The following C12orf42 variants were observed in gnomAD, a reference collection of about 807,000 sequenced individuals.
The protein encoded by C12orf42 is chromosome 12 open reading frame 42.
In C12orf42, 25 loss-of-function variants were observed where a neutral mutation model predicts 21.6. That is an observed-to-expected ratio of 1.16 (90% CI 0.84 to 1.62). The LOEUF (loss-of-function observed/expected upper bound fraction) is 1.62, where lower values mean the gene tolerates loss of function less well. Among genes scored for constraint, C12orf42 ranks in the 40% most tolerant of loss-of-function variants. The pLI, the probability that C12orf42 is intolerant of heterozygous loss-of-function variation, is 0.00. For synonymous variants in C12orf42, 174 were observed against 175.0 expected, an observed-to-expected ratio of 0.99 and a Z score of 0.05; for missense variants, 483 against 459.3, an observed-to-expected ratio of 1.05 and a Z score of -0.47.
chr12:103,409,696 T>G (rs1302580308), intron 2 of C12orf42, among the ~76,000 whole-genome samples: 8 of 152,214 alleles, frequency 5.3e-5, no homozygotes, highest in Admixed American at 5.2e-4. Context: ...TTTTTTAAGA[T>G]GAGTATGCAG....
the C12orf42 span, among the ~76,000 whole-genome samples, chr12:103,072,490 T>C: frequency 6.6e-6 from 1 of 151,664 alleles, no homozygotes; most frequent in Non-Finnish European, 1.5e-5. Context: ...AGAATTCCCA[T>C]GTGTATCATC....
intron 2 of C12orf42, chr12:103,476,848 A>G (rs966372708): frequency 4.6e-5 from 7 of 152,240 alleles, no homozygotes; most frequent in Admixed American, 2.0e-4. Context: ...GATACTTAAT[A>G]TATCACATTG....
the C12orf42 span, among the ~76,000 whole-genome samples, chr12:103,063,558 A>G: frequency 1.3e-5 from 2 of 152,188 alleles, no homozygotes; most frequent in Admixed American, 6.5e-5. Flanking sequence ...CCATGCTGCC[A>G]TCAGCCTTTC....
chr12:103,389,568 C>A (rs2138409233), intron 3 of C12orf42, among the ~76,000 whole-genome samples: 1 of 152,304 alleles, frequency 6.6e-6, no homozygotes, highest in African/African-American at 2.4e-5. Flanking sequence ...TGTCCAAGGA[C>A]TTGTTAACCC....
chr12:103,358,613 A>C (rs2043800177), intron 4 of C12orf42, among the ~76,000 whole-genome samples: 1 of 148,606 alleles, frequency 6.7e-6, no homozygotes, highest in Non-Finnish European at 1.5e-5. Flanking sequence ...TTTCAAACCA[A>C]AAAAAAAAAC....
At chr12:103,188,014 T>G in the C12orf42 span, among the ~76,000 whole-genome samples, 3 of 152,172 alleles carry the variant, frequency 2.0e-5, no homozygotes, top group Admixed American at 6.5e-5. Flanking sequence ...CTGGTAAGAG[T>G]ACTCTGAATT....
intron 2 of C12orf42, among the ~76,000 whole-genome samples, chr12:103,440,472 A>G (rs957022638): frequency 6.8e-6 from 1 of 146,320 alleles, no homozygotes; most frequent in African/African-American, 2.5e-5. Flanking sequence ...AAAAAAAAAA[A>G]AAAAAAAGAA....
intron 4 of C12orf42, among the ~76,000 whole-genome samples, chr12:103,342,519 T>G (rs1462841784): frequency 6.6e-6 from 1 of 152,112 alleles, no homozygotes; most frequent in Non-Finnish European, 1.5e-5. Flanking sequence ...TGTAGTATTA[T>G]TACCCCATAG....
the C12orf42 span, among the ~76,000 whole-genome samples, chr12:103,065,551 C>T: frequency 1.3e-5 from 2 of 152,242 alleles, no homozygotes; most frequent in Admixed American, 1.3e-4. Context: ...TCACACTGGT[C>T]CATTATACTG....
Position 103,294,542 on chromosome 12 carries a change from CAAGA to C in C12orf42, n.338-17336_338-17333del, listed in dbSNP as rs768785822. Among the ~76,000 whole-genome samples, 112 of 75,762 alleles carry C rather than the reference CAAGA, an allele frequency of 1.5e-3. 1 individual carries two copies. The highest frequency in any genetic ancestry group is 6.7e-3 in the East Asian group (18 of 2,702). The allele number at this position is 75,762 out of a possible 152,430, so 49.7% of individuals were successfully genotyped here. ...AAGAAGAAAGAAAGAAGCAAGCAAG[CAAGA>C]AAGAAAGAAAGAAAGAAAAAGAAAG... On this transcript the variant is annotated intron_variant and non_coding_transcript_variant, in intron 4 of 6. Transcript: ENST00000546526.
chr12:103,379,410 C>T (rs1008536156), intron 3 of C12orf42, among the ~76,000 whole-genome samples: 4 of 151,988 alleles, frequency 2.6e-5, no homozygotes, highest in Non-Finnish European at 5.9e-5. Context: ...CAAGGCCAGA[C>T]CATCACACGC....
chr12:103,515,053 C>A, the C12orf42 span, among the ~76,000 whole-genome samples: 7 of 152,276 alleles, frequency 4.6e-5, no homozygotes, highest in African/African-American at 1.7e-4. Flanking sequence ...GCTAAACATC[C>A]TGTAATGTAC....
At chr12:103,326,100 C>A (rs980828166) in intron 4 of C12orf42, among the ~76,000 whole-genome samples, 1 of 152,092 alleles carries the variant, frequency 6.6e-6, no homozygotes, top group Non-Finnish European at 1.5e-5. Flanking sequence ...GTTATCATTA[C>A]CCTCCATTTT....
At chr12:103,300,072 C>T (rs1226602662), downstream of C12orf42, among the ~76,000 whole-genome samples, 2 of 152,202 alleles carry the variant, frequency 1.3e-5, no homozygotes, top group African/African-American at 4.8e-5. Flanking sequence ...TTGAACCCTA[C>T]AAATCTACAT....
intron 2 of C12orf42, among the ~76,000 whole-genome samples, chr12:103,441,078 T>C (rs531087921): frequency 6.6e-6 from 1 of 152,310 alleles, no homozygotes; most frequent in African/African-American, 2.4e-5. Flanking sequence ...TCATTTTTAA[T>C]TGATAAGCAC....
intron 4 of C12orf42, among the ~76,000 whole-genome samples, chr12:103,340,910 G>A (rs970562651): frequency 6.6e-6 from 1 of 151,960 alleles, no homozygotes; most frequent in African/African-American, 2.4e-5. Context: ...TCAGGAGATC[G>A]AGACCATCCT....
At chr12:103,544,782 T>C in the C12orf42 span, among the ~76,000 whole-genome samples, 31 of 152,354 alleles carry the variant, frequency 2.0e-4, no homozygotes, top group African/African-American at 7.0e-4. Context: ...TAATCCACTG[T>C]TAAATCCATC....
chr12:103,143,301 T>C, the C12orf42 span, among the ~76,000 whole-genome samples: 3 of 152,164 alleles, frequency 2.0e-5, no homozygotes, highest in African/African-American at 7.2e-5. Flanking sequence ...GAATCTAGAA[T>C]TGGAAAATTA....
chr12:103,535,755 A>G, the C12orf42 span, among the ~76,000 whole-genome samples: 2 of 152,154 alleles, frequency 1.3e-5, no homozygotes, highest in Non-Finnish European at 2.9e-5. Flanking sequence ...GTGGGAATGG[A>G]GGGAAGTAGA....
Sources: gnomAD v4.1 joint callset for allele counts (sites outside exome capture counted in the v4.1 genomes callset) on GRCh38, gnomAD v4.1.1 for gene constraint, MANE v1.5 for transcripts, NCBI Gene and HGNC (gene_info 2026-07-23, HGNC 2026-07-21) for gene names.